The following GRIN3A variants were observed in gnomAD, a reference collection of about 807,000 sequenced individuals.
The protein encoded by GRIN3A is glutamate ionotropic receptor NMDA type subunit 3A, also known as glutamate receptor ionotropic, NMDA 3A.
A neutral mutation model predicts 92.4 loss-of-function variants in GRIN3A; 47 were observed. The observed-to-expected ratio is 0.51, with a 90% CI of 0.40 to 0.65. The LOEUF (loss-of-function observed/expected upper bound fraction) is 0.65, where lower values mean the gene tolerates loss of function less well. GRIN3A is among the 30% of genes least tolerant of loss of function. The pLI is 0.00. For synonymous variants in GRIN3A, 527 were observed against 540.6 expected (o/e 0.97, Z 0.35); for missense variants, 1,324 against 1,393.1 (o/e 0.95, Z 0.79).
At chr9:101,613,956 C>G (rs1170947204) in intron 5 of GRIN3A, among the ~76,000 whole-genome samples, 1 of 151,990 alleles carries the variant, frequency 6.6e-6, no homozygotes, top group East Asian at 1.9e-4. Flanking sequence ...AATGCATGAC[C>G]CTCTCTTACT....
intron 6 of GRIN3A, among the ~76,000 whole-genome samples, chr9:101,590,883 A>G (rs947132613): frequency 2.0e-5 from 3 of 152,230 alleles, no homozygotes; most frequent in Admixed American, 6.5e-5. Flanking sequence ...ACAGTGGCTT[A>G]GGAATTTGTA....
At chr9:101,703,595 C>T (rs1829779038) in intron 1 of GRIN3A, among the ~76,000 whole-genome samples, 1 of 152,208 alleles carries the variant, frequency 6.6e-6, no homozygotes, top group Non-Finnish European at 1.5e-5. Flanking sequence ...AGGGTCCAGA[C>T]ATTTGTTCCT....
At chr9:101,641,224 T>G (rs918178098) in intron 3 of GRIN3A, among the ~76,000 whole-genome samples, 1 of 152,140 alleles carries the variant, frequency 6.6e-6, no homozygotes, top group African/African-American at 2.4e-5. Flanking sequence ...GGAAGTCAGT[T>G]TGGCGATTCC....
At chr9:101,612,924 T>A (rs1828385291) in intron 6 of GRIN3A, among the ~76,000 whole-genome samples, 1 of 152,252 alleles carries the variant, frequency 6.6e-6, no homozygotes, top group Non-Finnish European at 1.5e-5. Context: ...GTATGTCTAT[T>A]TTTCTACATC....
chr9:101,642,335 A>T (rs1660035597), intron 3 of GRIN3A, among the ~76,000 whole-genome samples: 1 of 152,168 alleles, frequency 6.6e-6, no homozygotes, highest in South Asian at 2.1e-4. Flanking sequence ...CTCAAAATAG[A>T]TTAGAGAGTT....
intron 6 of GRIN3A, among the ~76,000 whole-genome samples, chr9:101,589,842 C>G (rs1384532931): frequency 3.3e-5 from 5 of 151,894 alleles, no homozygotes; most frequent in Non-Finnish European, 7.4e-5. Flanking sequence ...AATAGTGAAC[C>G]CTTCAGTCCA....
At chr9:101,628,695 G>A (rs1459749599) in intron 3 of GRIN3A, among the ~76,000 whole-genome samples, 1 of 152,118 alleles carries the variant, frequency 6.6e-6, no homozygotes, top group Non-Finnish European at 1.5e-5. Context: ...TTGGCATGTA[G>A]AATTAGTCTC....
intron 5 of GRIN3A, among the ~76,000 whole-genome samples, chr9:101,622,885 GA>G (rs1408955125): frequency 6.6e-6 from 1 of 151,898 alleles, no homozygotes. Flanking sequence ...TTGGCTGTTA[GA>G]AAATACAGAT....
chr9:101,602,935 T>G (rs1242544914), intron 6 of GRIN3A: 1 of 152,164 alleles, frequency 6.6e-6, no homozygotes, highest in Non-Finnish European at 1.5e-5. Context: ...ATTGACTACA[T>G]GCAAAGACCA....
At chr9:101,658,767 T>TATCTATCTATCTATCTATCA (rs61444195) in intron 3 of GRIN3A, among the ~76,000 whole-genome samples, 1 of 151,864 alleles carries the variant, frequency 6.6e-6, no homozygotes, top group African/African-American at 2.4e-5. Context: ...TCTGTCTATC[T>TATCTATCTATCTATCTATCA]ATCTATCTAT....
chr9:101,619,253 A>G (rs1325946574), intron 5 of GRIN3A, among the ~76,000 whole-genome samples: 6 of 152,186 alleles, frequency 3.9e-5, no homozygotes, highest in Admixed American at 3.3e-4. Context: ...TTGGAATACC[A>G]TATTTAGCTA....
chr9:101,577,988 A>G, intron 7 of GRIN3A, 144 bp from the exon 8 acceptor site: 2 of 664,746 alleles, frequency 3.0e-6, no homozygotes, highest in African/African-American at 1.8e-5. Flanking sequence ...CTAAAAATAG[A>G]TCAACATTCA....
chr9:101,594,424 C>T, intron 6 of GRIN3A: 1 of 1,608,190 alleles, frequency 6.2e-7, no homozygotes, highest in South Asian at 1.1e-5. Context: ...CGATGAGGAC[C>T]AGCTTCTTGT....
intron 3 of GRIN3A, among the ~76,000 whole-genome samples, chr9:101,652,726 A>T (rs908246887): frequency 5.3e-5 from 8 of 151,982 alleles, no homozygotes; most frequent in African/African-American, 1.9e-4. Flanking sequence ...CTTTGAGGAA[A>T]ACTAGTTGAG....
chr9:101,654,964 T>C (rs529291190), intron 3 of GRIN3A, among the ~76,000 whole-genome samples: 22 of 152,000 alleles, frequency 1.4e-4, no homozygotes, highest in African/African-American at 5.3e-4. Context: ...GACATATATA[T>C]TTATGGAATT....
intron 6 of GRIN3A, among the ~76,000 whole-genome samples, chr9:101,586,915 C>G (rs1011549985): frequency 2.0e-5 from 3 of 152,200 alleles, no homozygotes; most frequent in African/African-American, 7.2e-5. Context: ...GCACTAGCAT[C>G]CTTGGAGTGC....
chr9:101,650,959 T>C (rs1043912409), intron 3 of GRIN3A, among the ~76,000 whole-genome samples: 3 of 152,060 alleles, frequency 2.0e-5, no homozygotes, highest in Non-Finnish European at 4.4e-5. Flanking sequence ...GTGGGTACTA[T>C]GTTTCCCTTT....
intron 1 of GRIN3A, among the ~76,000 whole-genome samples, chr9:101,693,605 A>G (rs1294834541): frequency 5.9e-5 from 9 of 152,150 alleles, no homozygotes; most frequent in Admixed American, 5.9e-4. Context: ...CATGGAATAA[A>G]GCCACTTGTA....
At chr9:101,680,051 G>T (rs1783030184) in intron 2 of GRIN3A, among the ~76,000 whole-genome samples, 1 of 152,184 alleles carries the variant, frequency 6.6e-6, no homozygotes, top group South Asian at 2.1e-4. Context: ...AGATAAACTG[G>T]TTTAAATCTT....
Sources: gnomAD v4.1 joint callset for allele counts (sites outside exome capture counted in the v4.1 genomes callset) on GRCh38, gnomAD v4.1.1 for gene constraint, MANE v1.5 for transcripts, NCBI Gene and HGNC (gene_info 2026-07-23, HGNC 2026-07-21) for gene names.